The following COL4A5 variants were observed in gnomAD, a reference collection of about 807,000 sequenced individuals.
COL4A5 encodes collagen type IV alpha 5 chain, also known as collagen alpha-5(IV) chain.
In COL4A5, 26 loss-of-function variants were observed where a neutral mutation model predicts 130.2. That is an observed-to-expected ratio of 0.20 (90% CI 0.15 to 0.28). COL4A5 has a LOEUF of 0.28. Ranked by LOEUF, COL4A5 falls within the 10% of genes least tolerant of loss-of-function variation. The pLI is 1.00. For missense variants in COL4A5, 1,131 were observed against 1,344.3 expected, an observed-to-expected ratio of 0.84 and a Z score of 2.48; for synonymous variants, 496 against 439.6, an observed-to-expected ratio of 1.13 and a Z score of -1.60.
chrX:108,471,476 T>C (rs141484809), intron 1 of COL4A5, among the ~76,000 whole-genome samples: 3,779 of 111,948 alleles, frequency 0.034, 65 homozygotes, highest in Non-Finnish European at 0.057. Context: ...GCAATCATTT[T>C]TGTACCATGA....
At chrX:108,467,075 C>CG (rs1275965063) in intron 1 of COL4A5, among the ~76,000 whole-genome samples, 3 of 111,139 alleles carry the variant, frequency 2.7e-5, no homozygotes, top group African/African-American at 9.8e-5. Context: ...ATGCTTTTGG[C>CG]GTCATATCTA....
chrX:108,521,719 T>G (rs1006874149), intron 1 of COL4A5, among the ~76,000 whole-genome samples: 3 of 111,664 alleles, frequency 2.7e-5, no homozygotes, highest in African/African-American at 9.8e-5. Context: ...TTGTTAACTT[T>G]CAAGCATAGA....
At chrX:108,696,097 C>T (rs1176508308) in intron 52 of COL4A5, 200 bp from the exon 53 acceptor site, 5 of 409,950 alleles carry the variant, frequency 1.2e-5, no homozygotes, top group African/African-American at 5.1e-5. Flanking sequence ...TGGGGAGAAT[C>T]GTTACAAAAT....
chrX:108,662,977 C>A (rs2067994650), intron 37 of COL4A5, among the ~76,000 whole-genome samples: 1 of 112,124 alleles, frequency 8.9e-6, no homozygotes, highest in African/African-American at 3.2e-5. Flanking sequence ...AGGCTTTTAT[C>A]ACCTAGTGAT....
At chrX:108,532,174 T>C (rs983209074) in intron 1 of COL4A5, among the ~76,000 whole-genome samples, 4 of 111,593 alleles carry the variant, frequency 3.6e-5, no homozygotes, top group African/African-American at 1.3e-4. Flanking sequence ...TGAAGATTGA[T>C]TGAAAAACAA....
At chrX:108,622,467 C>G (rs945526713) in intron 32 of COL4A5, among the ~76,000 whole-genome samples, 7 of 111,803 alleles carry the variant, frequency 6.3e-5, no homozygotes, top group African/African-American at 2.3e-4. Flanking sequence ...CGGCCTCTAT[C>G]GTTGTCAAGG....
At chrX:108,694,277 C>G (rs2068689920) in intron 50 of COL4A5, 1 of 117,893 alleles carries the variant, frequency 8.5e-6, no homozygotes, top group Non-Finnish European at 1.8e-5. Context: ...CTCCAAGTGC[C>G]TGGGTACCTG....
At chrX:108,498,737 T>G (rs1387245433) in intron 1 of COL4A5, among the ~76,000 whole-genome samples, 1 of 111,924 alleles carries the variant, frequency 8.9e-6, no homozygotes, top group Middle Eastern at 4.2e-3. Context: ...CATCTTTCAC[T>G]AATTTTATCT....
At position 108,697,214 on chromosome X, in the gene COL4A5, AC is replaced by A. The variant is rs1282311472; in HGVS notation, c.*837del. The A allele has an allele frequency of 9.0e-6, 1 of 111,094 alleles. No homozygotes were observed. Among genetic ancestry groups the A allele is most frequent in the Non-Finnish European group, 1.9e-5 (1 of 53,039 alleles). 9.2% of individuals were successfully genotyped at this position (111,094 alleles called of 1,213,427 possible). ...TATGCCCCCTGTTTTAATGTTTCTT[AC>A]ATCTTGTTTTTACTCATTTCTGACT... On this transcript the variant is annotated 3_prime_UTR_variant, in exon 53 of 53. Coordinates refer to ENST00000328300, the MANE Select transcript of COL4A5 (RefSeq NM_033380.3).
intron 2 of COL4A5, among the ~76,000 whole-genome samples, chrX:108,552,209 T>TA (rs747163014): frequency 2.5e-4 from 27 of 109,538 alleles, no homozygotes; most frequent in South Asian, 3.9e-4. Flanking sequence ...TAAAAGTAGG[T>TA]AAAAAAAAAA....
intron 2 of COL4A5, among the ~76,000 whole-genome samples, chrX:108,558,829 C>T (rs2065864177): frequency 9.0e-6 from 1 of 111,447 alleles, no homozygotes; most frequent in Non-Finnish European, 1.9e-5. Context: ...CTCTGATATG[C>T]TTTTTACTTT....
At chrX:108,545,878 CT>C (rs2065642452) in intron 2 of COL4A5, among the ~76,000 whole-genome samples, 2 of 110,956 alleles carry the variant, frequency 1.8e-5, no homozygotes, top group Admixed American at 1.9e-4. Context: ...TTCTTTGTCT[CT>C]TTTGATCTTT....
At chrX:108,446,736 A>G (rs1236034208) in intron 1 of COL4A5, among the ~76,000 whole-genome samples, 2 of 111,703 alleles carry the variant, frequency 1.8e-5, no homozygotes, top group Non-Finnish European at 3.8e-5. Context: ...CTCAATCCCT[A>G]TTTCATACAT....
chrX:108,686,522 G>GCAAA (rs2068548417), intron 48 of COL4A5, among the ~76,000 whole-genome samples: 1 of 111,943 alleles, frequency 8.9e-6, no homozygotes, highest in Non-Finnish European at 1.9e-5. Context: ...TAAATGAACA[G>GCAAA]TTTAAGTGAT....
chrX:108,526,683 T>C (rs1603264464), intron 1 of COL4A5, among the ~76,000 whole-genome samples: 1 of 59,019 alleles, frequency 1.7e-5, no homozygotes, highest in African/African-American at 6.4e-5. Flanking sequence ...CTTTCTTTCT[T>C]TCTTTCTTTC....
chrX:108,575,191 A>G (rs993223643), intron 9 of COL4A5, among the ~76,000 whole-genome samples: 2 of 111,747 alleles, frequency 1.8e-5, no homozygotes, highest in African/African-American at 6.5e-5. Flanking sequence ...AAATTATTCC[A>G]TAACACTTGT....
In COL4A5 at chrX:108,557,929, A is replaced by G. The variant is rs5973881; in HGVS notation, c.142-1135A>G. On this transcript the variant is annotated intron_variant, in intron 2 of 52. Coordinates refer to ENST00000328300, the MANE Select transcript of COL4A5 (RefSeq NM_033380.3). ...GCTGTCCTTCGGGGTTCTTTTATAT[A>G]TATATATATTTTGTACTTTAAGTTC... Among the ~76,000 whole-genome samples, 473 of 108,041 alleles carry G rather than the reference A, an allele frequency of 4.4e-3. 4 individuals are homozygous for G. The highest frequency in any genetic ancestry group is 0.014 in the African/African-American group (423 of 29,608). The allele number at this position is 108,041 out of a possible 115,157, so 93.8% of individuals were successfully genotyped here.
intron 2 of COL4A5, among the ~76,000 whole-genome samples, chrX:108,551,717 T>C (rs1036138938): frequency 3.6e-5 from 4 of 111,703 alleles, no homozygotes; most frequent in Non-Finnish European, 7.5e-5. Context: ...ACTAGGTGTA[T>C]ACGCAAAGTA....
intron 1 of COL4A5, among the ~76,000 whole-genome samples, chrX:108,528,527 A>C (rs1384341405): frequency 1.8e-5 from 2 of 112,832 alleles, no homozygotes; most frequent in Non-Finnish European, 3.7e-5. Flanking sequence ...GATCTTAATC[A>C]AAAAGACACT....
Sources: allele counts gnomAD v4.1 joint callset (sites outside exome capture counted in the v4.1 genomes callset), GRCh38; gene constraint gnomAD v4.1.1; transcripts MANE v1.5; gene names NCBI Gene and HGNC (gene_info 2026-07-23, HGNC 2026-07-21).